Variants in ATP2A2 observed in about 807,000 individuals in gnomAD.
ATP2A2 encodes sarcoplasmic/endoplasmic reticulum calcium ATPase 2.
Under a neutral mutation model 109.3 loss-of-function variants are expected in ATP2A2, and 14 were observed. That is an observed-to-expected ratio of 0.13 (90% CI 0.08 to 0.20). The LOEUF (loss-of-function observed/expected upper bound fraction) is 0.20. Among genes scored for constraint, ATP2A2 ranks in the 10% least tolerant of loss-of-function variants. ATP2A2 has a pLI of 1.00. For synonymous variants in ATP2A2, 506 were observed against 490.9 expected, an observed-to-expected ratio of 1.03 and a Z score of -0.41; for missense variants, 657 against 1,321.6, an observed-to-expected ratio of 0.50 and a Z score of 7.80.
intron 17 of ATP2A2, 121 bp downstream of exon 17, chr12:110,345,092 G>A: frequency 6.7e-7 from 1 of 1,493,582 alleles, no homozygotes; most frequent in Non-Finnish European, 9.3e-7. Flanking sequence ...TTACATCTAA[G>A]ATGATTCTGA....
intron 5 of ATP2A2, among the ~76,000 whole-genome samples, chr12:110,313,485 TG>T (rs1876325467): frequency 1.3e-5 from 2 of 151,598 alleles, no homozygotes; most frequent in Admixed American, 1.3e-4. Context: ...GCTAATTTTT[TG>T]TATATTTTAG....
At chr12:110,304,912 G>T (rs1286952220) in intron 5 of ATP2A2, among the ~76,000 whole-genome samples, 4 of 152,120 alleles carry the variant, frequency 2.6e-5, no homozygotes, top group Non-Finnish European at 5.9e-5. Context: ...ACTTTGGGAG[G>T]CTGAGGCAGG....
chr12:110,337,863 C>T (rs1445639488), intron 11 of ATP2A2, among the ~76,000 whole-genome samples: 1 of 152,216 alleles, frequency 6.6e-6, no homozygotes, highest in Non-Finnish European at 1.5e-5. Context: ...ACAGAATTCT[C>T]ACCATTTCTA....
chr12:110,297,704 C>T (rs566666992), intron 5 of ATP2A2, among the ~76,000 whole-genome samples: 5 of 152,026 alleles, frequency 3.3e-5, no homozygotes, highest in African/African-American at 1.2e-4. Flanking sequence ...CTGCAACCTC[C>T]ACCTCCCAAG....
intron 5 of ATP2A2, among the ~76,000 whole-genome samples, chr12:110,300,351 C>CT (rs34894637): frequency 0.38 from 39,667 of 104,416 alleles, 9,727 homozygotes; most frequent in African/African-American, 0.68. Flanking sequence ...CCATGCCCAG[C>CT]TTTTTTTTTT....
At chr12:110,289,008 C>T (rs1477925879) in intron 3 of ATP2A2, among the ~76,000 whole-genome samples, 2 of 152,114 alleles carry the variant, frequency 1.3e-5, no homozygotes, top group African/African-American at 2.4e-5. Flanking sequence ...AAGGACTGCC[C>T]GACATGATCT....
At position 110,342,141 on chromosome 12, in the gene ATP2A2, C is replaced by T; in HGVS notation, c.2098-87C>T. Reference sequence around the variant, plus strand: ...GAGACCTACGGCTCTATTCATTTTCCTCCTGCTTCCCATTCAGTGGGCTTT... The same window carrying T: ...GAGACCTACGGCTCTATTCATTTTCTTCCTGCTTCCCATTCAGTGGGCTTT... On this transcript the variant is annotated intron_variant, in intron 14 of 19. Coordinates refer to ENST00000539276, the MANE Select transcript of ATP2A2 (RefSeq NM_170665.4). The surrounding 1 kb of genome is among the most constrained non-coding windows in gnomAD (Gnocchi z 4.6). 1 of 1,467,482 alleles carries T rather than the reference C, an allele frequency of 6.8e-7. No individual in the cohort carries two copies. The highest frequency in any genetic ancestry group is 1.7e-4 in the Middle Eastern group (1 of 5,790). The allele number at this position is 1,467,482 out of a possible 1,614,324, so 90.9% of individuals were successfully genotyped here. A position where few individuals can be genotyped will look rare whatever the true frequency, so the allele number is the denominator to read the frequency against.
Position 110,281,497 on chromosome 12 carries a change from C to G in ATP2A2, c.-293C>G, listed in dbSNP as rs1047152621. On this transcript the variant is annotated 5_prime_UTR_variant, in exon 1 of 20. Transcript: ENST00000539276. Reference sequence around the variant, plus strand: ...GGCTCGGGGGCCGCGGCCTGCCCTCCCGGCGGGCGGCTGAGGGCGAGGGAG... The same window carrying G: ...GGCTCGGGGGCCGCGGCCTGCCCTCGCGGCGGGCGGCTGAGGGCGAGGGAG... 1.1e-5 allele frequency: 2 copies of G among 182,208 alleles called. No homozygotes were observed. The highest frequency in any genetic ancestry group is 4.8e-5 in the African/African-American group (2 of 42,094). 11.3% of individuals were successfully genotyped at this position (182,208 alleles called of 1,614,324 possible).
intron 5 of ATP2A2, among the ~76,000 whole-genome samples, chr12:110,304,347 T>C (rs1391305411): frequency 1.3e-5 from 2 of 152,232 alleles, no homozygotes; most frequent in African/African-American, 4.8e-5. Flanking sequence ...ATACTTAACA[T>C]TTTGAGCAGC....
chr12:110,292,104 G>A lies in ATP2A2; in HGVS notation c.304G>A (p.Ala102Thr). ...FVILLILVAN[A>T]IVGVWQERNA... ...AATTTTACTCATATTAGTAGCCAATGCAATTGTGGGTGTATGGCAGGTAAG... is the reference window on the plus strand; with the variant it reads ...AATTTTACTCATATTAGTAGCCAATACAATTGTGGGTGTATGGCAGGTAAG... The change falls in exon 4 of 20, where the codon GCA becomes ACA. Residue 102 changes from alanine to threonine, a missense_variant. Ala to Thr is a moderately conservative substitution (Grantham distance 58, BLOSUM62 0). Around this residue, in one of 9 missense-constraint regions of ATP2A2, gnomAD observed 136 missense variants for 343.9 expected, o/e 0.40. Coordinates refer to ENST00000539276, the MANE Select transcript of ATP2A2 (RefSeq NM_170665.4). The A allele has an allele frequency of 6.2e-7, 1 of 1,614,112 alleles. No individual in the cohort carries two copies. The highest frequency in any genetic ancestry group is 8.5e-7 in the Non-Finnish European group (1 of 1,179,968).
At chr12:110,297,245 C>T (rs921041906) in intron 5 of ATP2A2, among the ~76,000 whole-genome samples, 1 of 152,010 alleles carries the variant, frequency 6.6e-6, no homozygotes, top group African/African-American at 2.4e-5. Context: ...TGAGACCACC[C>T]TGGCCAACAT....
In ATP2A2 at chr12:110,346,508, A is replaced by G. The variant is rs1566243910; in HGVS notation, c.*38A>G. On this transcript the variant is annotated 3_prime_UTR_variant, in exon 20 of 20. Transcript: ENST00000539276. ...CATAAAGAAGATGTTTAACTTAATC[A>G]ATTAATTTTTTTATTGTTTAAAGCA... The G allele has an allele frequency of 1.2e-6, 2 of 1,611,900 alleles. No individual in the cohort carries two copies. Among genetic ancestry groups the G allele is most frequent in the South Asian group, 2.2e-5 (2 of 90,884 alleles).
In ATP2A2 at chr12:110,350,927, A is replaced by T. The variant is rs1221756390; in HGVS notation, c.*4457A>T. 6.5e-6 allele frequency: 1 copy of T among 153,728 alleles called. No individual in the cohort carries two copies. The highest frequency in any genetic ancestry group is 1.9e-4 in the East Asian group (1 of 5,226). 9.5% of individuals were successfully genotyped at this position (153,728 alleles called of 1,614,324 possible). A position where few individuals can be genotyped will look rare whatever the true frequency, so the allele number is the denominator to read the frequency against. On this transcript the variant is annotated 3_prime_UTR_variant, in exon 20 of 20. Coordinates refer to ENST00000539276, the MANE Select transcript of ATP2A2 (RefSeq NM_170665.4). ...AGCAGTAGACAGATGTTGGTGCAATACAAATATTGTGATGCATTTATCTTA... is the reference window on the plus strand; with the variant it reads ...AGCAGTAGACAGATGTTGGTGCAATTCAAATATTGTGATGCATTTATCTTA...
chr12:110,342,108 T>G lies in ATP2A2; in HGVS notation c.2098-120T>G. 8.8e-7 allele frequency: 1 copy of G among 1,141,988 alleles called. No homozygotes were observed. The highest frequency in any genetic ancestry group is 1.3e-6 in the Non-Finnish European group (1 of 765,756). The allele number at this position is 1,141,988 out of a possible 1,614,324, so 70.7% of individuals were successfully genotyped here. On this transcript the variant is annotated intron_variant, in intron 14 of 19. Transcript: ENST00000539276. The surrounding 1 kb of genome is among the most constrained non-coding windows in gnomAD (Gnocchi z 4.6). ...TTATGAAACAAAAATTCTAAAACTC[T>G]TTGCCAAGAGACCTACGGCTCTATT...
rs1879121788 is a variant in ATP2A2, at chr12:110,339,167, T to C, written c.1420-114T>C. 6.9e-7 allele frequency: 1 copy of C among 1,447,370 alleles called. No homozygotes were observed. Among genetic ancestry groups the C allele is most frequent in the Admixed American group, 1.7e-5 (1 of 58,822 alleles). The allele number at this position is 1,447,370 out of a possible 1,614,324, so 89.7% of individuals were successfully genotyped here. ...TCATGAGGGCAAAAACCTGTCTGTTTTGTTTATTGCTATATTCCTAGCATC... is the reference window on the plus strand; with the variant it reads ...TCATGAGGGCAAAAACCTGTCTGTTCTGTTTATTGCTATATTCCTAGCATC... On this transcript the variant is annotated intron_variant, in intron 11 of 19. Transcript: ENST00000539276. This position sits in a 1 kb window ranked among gnomAD's most constrained non-coding sequence, Gnocchi z 4.4.
At chr12:110,311,624 G>A (rs1450091251) in intron 5 of ATP2A2, among the ~76,000 whole-genome samples, 9 of 88,626 alleles carry the variant, frequency 1.0e-4, no homozygotes, top group Non-Finnish European at 1.7e-4. Flanking sequence ...AAAAAAAAAC[G>A]CTGGGATTAT....
chr12:110,311,371 C>A (rs1172545665), intron 5 of ATP2A2, among the ~76,000 whole-genome samples: 1 of 151,774 alleles, frequency 6.6e-6, no homozygotes, highest in African/African-American at 2.4e-5. Flanking sequence ...GGGTGGATCA[C>A]AAGATCAGGA....
intron 5 of ATP2A2, among the ~76,000 whole-genome samples, chr12:110,299,542 G>C (rs1373006005): frequency 6.6e-6 from 1 of 152,178 alleles, no homozygotes; most frequent in African/African-American, 2.4e-5. Context: ...TATTAACTCT[G>C]AATCTCCATT....
At chr12:110,320,577 T>G (rs1877134393) in intron 5 of ATP2A2, among the ~76,000 whole-genome samples, 1 of 152,244 alleles carries the variant, frequency 6.6e-6, no homozygotes, top group Admixed American at 6.5e-5. Flanking sequence ...CACTAAAGTT[T>G]AGAATATAGT....
Sources: gnomAD v4.1 joint callset for allele counts (sites outside exome capture counted in the v4.1 genomes callset) on GRCh38, gnomAD v4.1.1 for gene constraint, gnomAD v4.1.1 regional missense constraint, Gnocchi (gnomAD v3.1) non-coding constraint, MANE v1.5 for transcripts, NCBI Gene and HGNC (gene_info 2026-07-23, HGNC 2026-07-21) for gene names.